The following ORC1 variants were observed in gnomAD, a reference collection of about 807,000 sequenced individuals.
ORC1 encodes origin recognition complex subunit 1.
In ORC1, 61 loss-of-function variants were observed where a neutral mutation model predicts 98.9. The observed-to-expected ratio is 0.62, with a 90% CI of 0.50 to 0.76. The LOEUF (loss-of-function observed/expected upper bound fraction) is 0.76. Among genes scored for constraint, ORC1 ranks in the 30% least tolerant of loss-of-function variants. The probability of loss-of-function intolerance (pLI) is 0.00; values close to 1 mark genes in which losing one functional copy is unlikely to be tolerated. For synonymous variants in ORC1, 385 were observed against 406.9 expected, an observed-to-expected ratio of 0.95 and a Z score of 0.65; for missense variants, 979 against 1,072.2, an observed-to-expected ratio of 0.91 and a Z score of 1.21.
Position 52,389,199 on chromosome 1 carries a change from G to A in ORC1, c.1187+18C>T. The A allele has an allele frequency of 1.3e-6, 2 of 1,569,432 alleles. No individual in the cohort carries two copies. The highest frequency in any genetic ancestry group is 1.8e-6 in the Non-Finnish European group (2 of 1,139,298). On this transcript the variant is annotated intron_variant, in intron 7 of 16. Transcript: ENST00000371568. The stretch of plus-strand genomic sequence containing the variant: ...AGATGGCAGCAATGTTTCTCTGCCT[G>A]CCAAGGAGTAGTCTTACCGAAGCTG...
chr1:52,403,765 G>A (rs1023782125), intron 1 of ORC1, among the ~76,000 whole-genome samples: 6 of 152,158 alleles, frequency 3.9e-5, no homozygotes, highest in Non-Finnish European at 8.8e-5. Context: ...CTGAAAAAAA[G>A]ATCTGGGTAG....
upstream of ORC1, chr1:52,408,322 A>G (rs1289120410): frequency 1.6e-6 from 1 of 624,530 alleles, no homozygotes; most frequent in African/African-American, 1.8e-5. Context: ...AGTTTTACTG[A>G]TGATATATTT....
chr1:52,378,464 A>T (rs560889828), intron 14 of ORC1, among the ~76,000 whole-genome samples: 5 of 152,020 alleles, frequency 3.3e-5, no homozygotes, highest in Admixed American at 1.3e-4. Flanking sequence ...GTTCAAGACC[A>T]GCCTGGACAA....
chr1:52,381,036 G>A (rs547549186), intron 14 of ORC1, among the ~76,000 whole-genome samples: 11 of 152,286 alleles, frequency 7.2e-5, no homozygotes, highest in East Asian at 3.9e-4. Context: ...GTGGATGTAC[G>A]GTTTTTCTTT....
At chr1:52,395,846 G>T (rs984396862) in intron 5 of ORC1, among the ~76,000 whole-genome samples, 200 bp downstream of exon 5, 2 of 152,028 alleles carry the variant, frequency 1.3e-5, no homozygotes, top group Admixed American at 6.6e-5. Context: ...CCCAGAAAAT[G>T]GAGCCAAGTG....
intron 6 of ORC1, among the ~76,000 whole-genome samples, chr1:52,392,199 C>T (rs941822076): frequency 6.6e-6 from 1 of 151,614 alleles, no homozygotes; most frequent in Non-Finnish European, 1.5e-5. Context: ...GCGCGACCTC[C>T]GCTCACTGCA....
chr1:52,392,561 T>C (rs995573570), intron 6 of ORC1, among the ~76,000 whole-genome samples: 8 of 152,294 alleles, frequency 5.3e-5, no homozygotes, highest in African/African-American at 1.9e-4. Context: ...CCTGGGTATC[T>C]ACCCAAAGGA....
intron 13 of ORC1, among the ~76,000 whole-genome samples, chr1:52,382,298 T>G (rs1419540967): frequency 6.6e-6 from 1 of 151,698 alleles, no homozygotes; most frequent in Non-Finnish European, 1.5e-5. Context: ...ATTATAGGCA[T>G]GAGCCACCAC....
Position 52,384,772 on chromosome 1 carries a change from C to A in ORC1, c.1584-51G>T, listed in dbSNP as rs3087480. ...GGGTAGGTCTCAGCCAGCCACTACA[C>A]GTTATAATCAGTTAGGAGTGTGGGA... On this transcript the variant is annotated intron_variant, in intron 10 of 16. Transcript: ENST00000371568. The A allele has an allele frequency of 2.7e-3, 3,938 of 1,485,314 alleles. 77 individuals carry two copies. In the African/African-American group the frequency reaches 0.046, roughly 17 times the overall value. 92.0% of individuals were successfully genotyped at this position (1,485,314 alleles called of 1,614,324 possible).
chr1:52,404,967 G>T, upstream of ORC1: 1 of 1,502,120 alleles, frequency 6.7e-7, no homozygotes, highest in South Asian at 1.2e-5. Context: ...ACTGGCCTCT[G>T]GGGGTGGTAC....
At position 52,375,613 on chromosome 1, in the gene ORC1, T is replaced by C. The variant is rs985550786; in HGVS notation, c.2134-14A>G. The C allele has an allele frequency of 3.7e-6, 6 of 1,612,908 alleles. No homozygotes were observed. Among genetic ancestry groups the C allele is most frequent in the Non-Finnish European group, 5.1e-6 (6 of 1,179,784 alleles). On this transcript the variant is annotated splice_polypyrimidine_tract_variant and intron_variant, in intron 14 of 16. Transcript: ENST00000371568. ...CAGTGCTGCTACCTACAAGAGGGAA[T>C]ATTTTATTCCTGAGGCCACCTTAGC...
At chr1:52,388,262 A>AT (rs1263352090) in intron 8 of ORC1, among the ~76,000 whole-genome samples, 180 bp downstream of exon 8, 1 of 152,162 alleles carries the variant, frequency 6.6e-6, no homozygotes, top group East Asian at 1.9e-4. Flanking sequence ...TACTAGATTC[A>AT]TTTTCAGTCC....
chr1:52,406,465 A>T (rs1648001476), upstream of ORC1, among the ~76,000 whole-genome samples: 1 of 152,188 alleles, frequency 6.6e-6, no homozygotes, highest in African/African-American at 2.4e-5. Context: ...CAAACAACAA[A>T]AGGTGGTGGT....
At chr1:52,396,639 G>C (rs1051702602) in intron 4 of ORC1, among the ~76,000 whole-genome samples, 20 of 151,946 alleles carry the variant, frequency 1.3e-4, no homozygotes, top group African/African-American at 4.6e-4. Context: ...AATGTTTATT[G>C]TTCATCTCTC....
intron 6 of ORC1, 25 bp from the exon 7 acceptor site, chr1:52,389,346 C>T (rs760068325): frequency 5.7e-6 from 9 of 1,582,580 alleles, no homozygotes; most frequent in Admixed American, 3.3e-5. Flanking sequence ...AGCGAGGTCA[C>T]GGGAAGCAGT....
rs146333732 is a variant in ORC1 at position 52,402,216 on chromosome 1, T to C, written c.8A>G (p.His3Arg). 4 of 1,613,882 alleles carry C rather than the reference T, an allele frequency of 2.5e-6. No homozygotes were observed. The highest frequency in any genetic ancestry group is 3.4e-6 in the Non-Finnish European group (4 of 1,179,864). Residue 3 changes from histidine (H) to arginine (R), a missense_variant, in exon 2 of 17, where the codon CAC (histidine) becomes CGC (arginine). Transcript: ENST00000371568. ...TCTGGTCTTCAGCCTTGTGGGGTAG[T>C]GTGCCATGGCTTCTGTGGAAGAGTC... MA[H>R]YPTRLKTRKT...
At chr1:52,405,658 C>T (rs1485973602), upstream of ORC1, 3 of 1,611,470 alleles carry the variant, frequency 1.9e-6, no homozygotes, top group Non-Finnish European at 2.5e-6. Flanking sequence ...TAATATGTTA[C>T]TGTATTGTTT....
intron 3 of ORC1, 119 bp downstream of exon 3, chr1:52,401,243 G>A (rs753582944): frequency 8.5e-6 from 11 of 1,290,258 alleles, no homozygotes; most frequent in South Asian, 2.4e-5. Context: ...TAGTTCTTAC[G>A]TGATCCCACC....
At chr1:52,393,341 A>G (rs755194091) in intron 6 of ORC1, 102 bp downstream of exon 6, 27 of 1,500,078 alleles carry the variant, frequency 1.8e-5, no homozygotes, top group Admixed American at 5.0e-5. Context: ...CTTCTGTGAC[A>G]TAGGTTTTTC....
Sources: allele counts gnomAD v4.1 joint callset (sites outside exome capture counted in the v4.1 genomes callset), GRCh38; gene constraint gnomAD v4.1.1; transcripts MANE v1.5; gene names NCBI Gene and HGNC (gene_info 2026-07-23, HGNC 2026-07-21).